The following IFNLR1 variants were observed in gnomAD, a reference collection of about 807,000 sequenced individuals.
The protein encoded by IFNLR1 is CRF2-12.
In IFNLR1, 28 loss-of-function variants were observed where a neutral mutation model predicts 52.5. The observed-to-expected ratio is 0.53, with a 90% CI of 0.40 to 0.73. The LOEUF (loss-of-function observed/expected upper bound fraction) is 0.73, where lower values mean the gene tolerates loss of function less well. Ranked by LOEUF, IFNLR1 falls within the 30% of genes least tolerant of loss-of-function variation. The pLI, the probability that IFNLR1 is intolerant of heterozygous loss-of-function variation, is 0.00. For missense variants in IFNLR1, 623 were observed against 659.1 expected, an observed-to-expected ratio of 0.95 and a Z score of 0.60; for synonymous variants, 276 against 274.9, an observed-to-expected ratio of 1.00 and a Z score of -0.04.
chr1:24,180,672 T>TCCCCCCCCCCCCCCCCC, intron 2 of IFNLR1, 59 bp downstream of exon 2: 1 of 432,142 alleles, frequency 2.3e-6, no homozygotes, highest in Non-Finnish European at 4.4e-6. Flanking sequence ...GAGAAGCCCC[T>TCCCCCCCCCCCCCCCCC]CCAGCCCCCA....
intron 2 of IFNLR1, among the ~76,000 whole-genome samples, chr1:24,178,243 C>G (rs1020290140): frequency 2.0e-5 from 3 of 151,842 alleles, no homozygotes; most frequent in African/African-American, 4.8e-5. Flanking sequence ...CGAGATCATG[C>G]CACTGCACTC....
At chr1:24,183,502 G>T (rs112658338) in intron 1 of IFNLR1, among the ~76,000 whole-genome samples, 1 of 152,098 alleles carries the variant, frequency 6.6e-6, no homozygotes, top group African/African-American at 2.4e-5. Context: ...TGGGAGTTTC[G>T]CCTGAGCCCA....
intron 4 of IFNLR1, among the ~76,000 whole-genome samples, chr1:24,160,871 G>A (rs1270774472): frequency 6.6e-6 from 1 of 151,642 alleles, no homozygotes. Context: ...GGGACCACAA[G>A]CATGCATCAC....
chr1:24,166,711 G>A (rs542576898), intron 3 of IFNLR1, among the ~76,000 whole-genome samples: 57 of 145,810 alleles, frequency 3.9e-4, no homozygotes, highest in African/African-American at 1.0e-3. Flanking sequence ...CGTACCCAGC[G>A]AATTTAATTT....
In IFNLR1 at chr1:24,161,614, C is replaced by G. The variant is rs1380134482; in HGVS notation, c.438G>C (p.Gln146His). The change falls in exon 4 of 7, where the codon CAG (glutamine) becomes CAC (histidine). Residue 146 changes from glutamine (Q) to histidine (H), a missense_variant. Physicochemically the swap from Gln to His is conservative, Grantham distance 24. Transcript: ENST00000327535. Reference sequence around the variant, plus strand: ...CCAGTGGGGGCATGCAGGGGGGCAGCTGGTACGTGGCATTGGCACTCAGGA... The same window carrying G: ...CCAGTGGGGGCATGCAGGGGGGCAGGTGGTACGTGGCATTGGCACTCAGGA... ...EEILSANATY[Q>H]LPPCMPPLDL... The G allele has an allele frequency of 5.8e-6, 9 of 1,552,746 alleles. No homozygotes were observed. The highest frequency in any genetic ancestry group is 7.0e-6 in the Non-Finnish European group (8 of 1,147,082).
chr1:24,170,817 G>A (rs1644571509), intron 2 of IFNLR1, among the ~76,000 whole-genome samples: 1 of 152,214 alleles, frequency 6.6e-6, no homozygotes, highest in South Asian at 2.1e-4. Context: ...ATTGGATGTA[G>A]AATGTGGGGA....
At position 24,183,423 on chromosome 1, in the gene IFNLR1, C is replaced by T. The variant is rs139282982; in HGVS notation, c.59-2569G>A. 5.9e-5 allele frequency among the ~76,000 whole-genome samples: 9 copies of T among 152,138 alleles called. No homozygotes were observed. In the East Asian group the frequency reaches 1.7e-3, roughly 29 times the overall value. ...GACTTGCCTAGGCAACATAGTGAGA[C>T]CACATCTCTACAAAATAAATTTTTT... is the stretch of plus-strand genomic sequence containing the variant. On this transcript the variant is annotated intron_variant, in intron 1 of 6. Coordinates refer to ENST00000327535, the MANE Select transcript of IFNLR1 (RefSeq NM_170743.4).
chr1:24,180,689 CCCTCAGTCTTCCCATCCA>C, intron 2 of IFNLR1, 24 bp downstream of exon 2: 1 of 1,392,768 alleles, frequency 7.2e-7, no homozygotes, highest in Admixed American at 1.8e-5. Flanking sequence ...CCCACCCACC[CCCTCAGTCTTCCCATCCA>C]CCAGCCGAGA....
intron 2 of IFNLR1, among the ~76,000 whole-genome samples, chr1:24,178,707 A>G (rs775604182): frequency 5.9e-5 from 9 of 152,208 alleles, no homozygotes; most frequent in Non-Finnish European, 1.3e-4. Flanking sequence ...TAAACTAGCA[A>G]TCACCTTTGG....
intron 3 of IFNLR1, among the ~76,000 whole-genome samples, chr1:24,162,707 TTTTC>T (rs1205063032): frequency 4.5e-5 from 1 of 22,182 alleles, no homozygotes; most frequent in Non-Finnish European, 9.2e-5. Context: ...TTTTCTTTTC[TTTTC>T]TTTCTTTCTT....
chr1:24,178,012 C>T (rs987261434), intron 2 of IFNLR1, among the ~76,000 whole-genome samples: 2 of 152,080 alleles, frequency 1.3e-5, no homozygotes, highest in African/African-American at 2.4e-5. Context: ...AGGCTGGGTG[C>T]GATGGCTCAT....
In IFNLR1 at chr1:24,161,107, G is replaced by A. The variant is rs528267676; in HGVS notation, c.510+435C>T. ...GCTCCTTTTGTGCTATAACTGCAGCGTTGAGTAGTCCTGAGCGAACATACG... is the reference window on the plus strand; with the variant it reads ...GCTCCTTTTGTGCTATAACTGCAGCATTGAGTAGTCCTGAGCGAACATACG... On this transcript the variant is annotated intron_variant, in intron 4 of 6. Transcript: ENST00000327535. Among the ~76,000 whole-genome samples the A allele has an allele frequency of 2.1e-3, 321 of 152,248 alleles. 2 individuals carry two copies. The highest frequency in any genetic ancestry group is 3.8e-3 in the Non-Finnish European group (258 of 68,008).
At chr1:24,179,565 A>G (rs543206622) in intron 2 of IFNLR1, among the ~76,000 whole-genome samples, 120 of 152,190 alleles carry the variant, frequency 7.9e-4, no homozygotes, top group Non-Finnish European at 1.4e-3. Context: ...TGGAAGGATG[A>G]CGTGATGCAA....
At chr1:24,183,832 C>T (rs1024330642) in intron 1 of IFNLR1, among the ~76,000 whole-genome samples, 3 of 152,198 alleles carry the variant, frequency 2.0e-5, no homozygotes, top group African/African-American at 4.8e-5. Context: ...CGGGTTCAAG[C>T]GATTCTCCTG....
rs778219470 is a variant in IFNLR1, at chr1:24,169,460, C to G, written c.324G>C (p.Lys108Asn). ...GRVRTVSPSS[K>N]SPWVESEYLD... ...GGTATTCGGACTCCACCCAGGGGGA[C>G]TTGGAGCTGGGAGAAACCGTCCGCA... The change falls in exon 3 of 7, where the codon AAG becomes AAC. Residue 108 changes from lysine to asparagine, a missense_variant. Coordinates refer to ENST00000327535, the MANE Select transcript of IFNLR1 (RefSeq NM_170743.4). 2 of 1,614,228 alleles carry G rather than the reference C, an allele frequency of 1.2e-6. No individual in the cohort carries two copies. The highest frequency in any genetic ancestry group is 1.7e-6 in the Non-Finnish European group (2 of 1,180,042).
Position 24,159,250 on chromosome 1 carries a change from G to C in IFNLR1, c.671-68C>G, listed in dbSNP as rs571757956. 2.4e-5 allele frequency: 38 copies of C among 1,564,766 alleles called. No homozygotes were observed. In the Admixed American group the frequency reaches 6.3e-4, roughly 26 times the overall value. ...TTGTCTACAACTGCACCTGTGCCGAGTGCTTCACATACATGACCCTATTTA... is the reference window on the plus strand; with the variant it reads ...TTGTCTACAACTGCACCTGTGCCGACTGCTTCACATACATGACCCTATTTA... On this transcript the variant is annotated intron_variant, in intron 5 of 6. Transcript: ENST00000327535.
At chr1:24,172,551 C>T (rs1193193879) in intron 2 of IFNLR1, among the ~76,000 whole-genome samples, 1 of 151,834 alleles carries the variant, frequency 6.6e-6, no homozygotes, top group Admixed American at 6.6e-5. Context: ...ATAGATGATG[C>T]CTTAAAAGAA....
In IFNLR1 at chr1:24,169,625, T is replaced by C. The variant is rs932989722; in HGVS notation, c.183-24A>G. On this transcript the variant is annotated intron_variant, in intron 2 of 6. Transcript: ENST00000327535. ...AGCTGGGGGAGGAGAGAGGAGAGCT[T>C]GGGCCATGGACTCAGCCTCTCCGGG... 3 of 1,605,310 alleles carry C rather than the reference T, an allele frequency of 1.9e-6. No homozygotes were observed. In the African/African-American group the frequency reaches 4.0e-5, roughly 21 times the overall value.
At chr1:24,160,932 C>T (rs1001256568) in intron 4 of IFNLR1, among the ~76,000 whole-genome samples, 1 of 151,882 alleles carries the variant, frequency 6.6e-6, no homozygotes, top group Admixed American at 6.6e-5. Flanking sequence ...CCATGTTCCC[C>T]AGGCTGGTCT....
Sources: gnomAD v4.1 joint callset for allele counts (sites outside exome capture counted in the v4.1 genomes callset) on GRCh38, gnomAD v4.1.1 for gene constraint, MANE v1.5 for transcripts, NCBI Gene and HGNC (gene_info 2026-07-23, HGNC 2026-07-21) for gene names.